KHDRBS3: variants seen among roughly 807,000 people sequenced by gnomAD.
The protein encoded by KHDRBS3 is KH RNA binding domain containing, signal transduction associated 3, also known as KH domain-containing, RNA-binding, signal transduction-associated protein 3.
In KHDRBS3, 23 loss-of-function variants were observed where a neutral mutation model predicts 45.6. The observed-to-expected ratio is 0.50, with a 90% CI of 0.36 to 0.72. KHDRBS3 has a LOEUF of 0.72. KHDRBS3 is among the 30% of genes least tolerant of loss of function. The pLI, the probability that KHDRBS3 is intolerant of heterozygous loss-of-function variation, is 0.00. For synonymous variants in KHDRBS3, 162 were observed against 156.5 expected (o/e 1.04, Z -0.26); for missense variants, 352 against 424.8 (o/e 0.83, Z 1.51).
chr8:135,559,405 T>C (rs1488759347), intron 5 of KHDRBS3, among the ~76,000 whole-genome samples: 2 of 152,192 alleles, frequency 1.3e-5, no homozygotes, highest in African/African-American at 4.8e-5. Flanking sequence ...CGGGCTGGAG[T>C]GCAGTAGCAC....
intron 5 of KHDRBS3, among the ~76,000 whole-genome samples, chr8:135,579,972 G>A (rs533609851): frequency 8.9e-4 from 135 of 152,296 alleles, no homozygotes; most frequent in Middle Eastern, 3.4e-3. Context: ...AGGAGGCCTT[G>A]TTCTTGTTCC....
At chr8:135,556,748 C>T (rs1038155112) in intron 4 of KHDRBS3, among the ~76,000 whole-genome samples, 28 of 151,956 alleles carry the variant, frequency 1.8e-4, no homozygotes, top group African/African-American at 6.8e-4. Flanking sequence ...TTAAATTTAC[C>T]CATGTCTTAG....
intron 5 of KHDRBS3, among the ~76,000 whole-genome samples, chr8:135,574,819 T>G (rs910967445): frequency 2.0e-5 from 3 of 152,224 alleles, no homozygotes; most frequent in Admixed American, 2.0e-4. Context: ...TCAGAGTGAT[T>G]GAAGTTTAAA....
At chr8:135,622,298 G>A (rs1223386192) in intron 7 of KHDRBS3, among the ~76,000 whole-genome samples, 1 of 152,054 alleles carries the variant, frequency 6.6e-6, no homozygotes, top group Non-Finnish European at 1.5e-5. Context: ...AACAAAGTAG[G>A]TATTCTTATC....
In KHDRBS3 at chr8:135,635,762, A is replaced by T. The variant is rs73713805; in HGVS notation, c.891-9297A>T. Among the ~76,000 whole-genome samples the T allele has an allele frequency of 8.8e-3, 1,338 of 152,326 alleles. 13 individuals carry two copies. Among genetic ancestry groups the T allele is most frequent in the African/African-American group, 0.024 (990 of 41,564 alleles). On this transcript the variant is annotated intron_variant, in intron 7 of 8. Coordinates refer to ENST00000355849, the MANE Select transcript of KHDRBS3 (RefSeq NM_006558.3). ...CAGTAACCTTTTCATACTCTGTTAC[A>T]TTAAAATACCTTGGTCTGCTGTATA... is the stretch of plus-strand genomic sequence containing the variant.
At chr8:135,543,033 T>C (rs935471718) in intron 3 of KHDRBS3, among the ~76,000 whole-genome samples, 1 of 152,196 alleles carries the variant, frequency 6.6e-6, no homozygotes, top group Non-Finnish European at 1.5e-5. Flanking sequence ...AGTAAAGTAA[T>C]ATTAAAATTA....
At chr8:135,638,081 G>T (rs1005072002) in intron 7 of KHDRBS3, among the ~76,000 whole-genome samples, 1 of 152,146 alleles carries the variant, frequency 6.6e-6, no homozygotes. Flanking sequence ...CAAGAGAAGG[G>T]TGCTACAATG....
chr8:135,479,894 A>G (rs868172577), intron 1 of KHDRBS3, among the ~76,000 whole-genome samples: 2 of 152,202 alleles, frequency 1.3e-5, no homozygotes, highest in Admixed American at 1.3e-4. Flanking sequence ...ATGAATTTAG[A>G]TGAAATCATC....
At chr8:135,549,491 T>G (rs1826477734) in intron 4 of KHDRBS3, 1 of 152,216 alleles carries the variant, frequency 6.6e-6, no homozygotes, top group Non-Finnish European at 1.5e-5. Context: ...TTTTAACCCT[T>G]TCAGACACCT....
intron 2 of KHDRBS3, among the ~76,000 whole-genome samples, chr8:135,532,986 G>A (rs1825555845): frequency 6.6e-6 from 1 of 151,978 alleles, no homozygotes; most frequent in South Asian, 2.1e-4. Context: ...AGGATATAAA[G>A]AATTTTTTTT....
chr8:135,635,430 C>A (rs1830770646), intron 7 of KHDRBS3, among the ~76,000 whole-genome samples: 1 of 152,160 alleles, frequency 6.6e-6, no homozygotes, highest in African/African-American at 2.4e-5. Flanking sequence ...ATTGCCCAGC[C>A]TGGAGTGTAG....
chr8:135,534,202 CA>C (rs764093976), intron 2 of KHDRBS3, among the ~76,000 whole-genome samples: 23 of 141,670 alleles, frequency 1.6e-4, no homozygotes, highest in Admixed American at 6.0e-4. Context: ...CTTTATTTTA[CA>C]ATTCTTCTCA....
chr8:135,478,120 C>T (rs1196363692), intron 1 of KHDRBS3, among the ~76,000 whole-genome samples: 3 of 152,178 alleles, frequency 2.0e-5, no homozygotes, highest in Non-Finnish European at 4.4e-5. Flanking sequence ...AAATTGTCTT[C>T]CATAAAACTG....
In KHDRBS3 at chr8:135,557,594, G is replaced by T; in HGVS notation, c.611+7G>T. The T allele has an allele frequency of 6.2e-7, 1 of 1,607,470 alleles. No homozygotes were observed. The highest frequency in any genetic ancestry group is 8.5e-7 in the Non-Finnish European group (1 of 1,176,758). ...CAGCCCCAGCAATAACCAGGTAGGTGTAAATTTTTTTTTAGGTTAACATAC... is the reference window on the plus strand; with the variant it reads ...CAGCCCCAGCAATAACCAGGTAGGTTTAAATTTTTTTTTAGGTTAACATAC... On this transcript the variant is annotated splice_region_variant and intron_variant, in intron 5 of 8. Coordinates refer to ENST00000355849, the MANE Select transcript of KHDRBS3 (RefSeq NM_006558.3).
At chr8:135,499,626 A>G (rs1823631974) in intron 1 of KHDRBS3, among the ~76,000 whole-genome samples, 1 of 152,202 alleles carries the variant, frequency 6.6e-6, no homozygotes. Context: ...TGTATGACAC[A>G]TTATCTACAA....
chr8:135,476,789 G>A (rs112533133), intron 1 of KHDRBS3, among the ~76,000 whole-genome samples: 72 of 152,206 alleles, frequency 4.7e-4, no homozygotes, highest in African/African-American at 1.7e-3. Context: ...CATTAGGTGG[G>A]TAAAAAATAT....
At chr8:135,458,821 A>G (rs1821266324) in intron 1 of KHDRBS3, 2 of 454,998 alleles carry the variant, frequency 4.4e-6, no homozygotes, top group Non-Finnish European at 8.8e-6. Context: ...GGTCAGGGAT[A>G]CAGAGATTTC....
intron 7 of KHDRBS3, chr8:135,625,873 G>C (rs1830334857): frequency 1.7e-5 from 13 of 771,340 alleles, no homozygotes; most frequent in Admixed American, 6.9e-5. Context: ...GAGCACAGCT[G>C]TTCGATCTTT....
intron 1 of KHDRBS3, among the ~76,000 whole-genome samples, chr8:135,485,455 G>A (rs974540823): frequency 1.3e-5 from 2 of 152,004 alleles, no homozygotes; most frequent in African/African-American, 2.4e-5. Flanking sequence ...AAAGTATGAC[G>A]GTCTATGGCA....
Sources: gnomAD v4.1 joint callset for allele counts (sites outside exome capture counted in the v4.1 genomes callset) on GRCh38, gnomAD v4.1.1 for gene constraint, MANE v1.5 for transcripts, NCBI Gene and HGNC (gene_info 2026-07-23, HGNC 2026-07-21) for gene names.